Variants in PLG observed in about 807,000 individuals in gnomAD.
PLG encodes the protein plasmin.
In PLG, 41 loss-of-function variants were observed where a neutral mutation model predicts 104.4. That is an observed-to-expected ratio of 0.39 (90% CI 0.31 to 0.51). PLG has a LOEUF of 0.51. Ranked by LOEUF, PLG falls within the 20% of genes least tolerant of loss-of-function variation. The pLI is 0.76. For synonymous variants in PLG, 337 were observed against 357.1 expected (o/e 0.94, Z 0.63); for missense variants, 891 against 1,003.6 (o/e 0.89, Z 1.52).
rs1218781151 is a variant in PLG at position 160,735,126 on chromosome 6, G to C, written c.1681+1038G>C. The stretch of plus-strand genomic sequence containing the variant: ...ATTGTAATGCGGCATTGTGATCTCT[G>C]GATTTAGCATGAGTTGATAGCTGAC... On this transcript the variant is annotated intron_variant, in intron 13 of 18. Transcript: ENST00000308192. This position sits in a 1 kb window ranked among gnomAD's most constrained non-coding sequence, Gnocchi z 5.4. Among the ~76,000 whole-genome samples the C allele has an allele frequency of 1.3e-5, 2 of 152,152 alleles. No individual in the cohort carries two copies. The highest frequency in any genetic ancestry group is 4.8e-5 in the African/African-American group (2 of 41,420).
Position 160,731,095 on chromosome 6 carries a change from G to T in PLG, c.1301G>T (p.Gly434Val). ...NYCRNPDADK[G>V]PWCFTTDPSV... is the part of the protein sequence containing the mutation. ...TGCAGGAATCCAGATGCCGATAAAGGCCCCTGGTGTTTTACCACAGACCCC... is the reference window on the plus strand; with the variant it reads ...TGCAGGAATCCAGATGCCGATAAAGTCCCCTGGTGTTTTACCACAGACCCC... Residue 434 changes from glycine (G) to valine (V), a missense_variant, in exon 11 of 19, where the codon GGC (glycine) becomes GTC (valine). Physicochemically the swap from Gly to Val is moderately radical, Grantham distance 109. This residue lies in a region of PLG where 854 missense variants were observed against 932.1 expected (regional missense o/e 0.92). Coordinates refer to ENST00000308192, the MANE Select transcript of PLG (RefSeq NM_000301.5). This position sits in a 1 kb window ranked among gnomAD's most constrained non-coding sequence, Gnocchi z 5.1. 6.2e-7 allele frequency: 1 copy of T among 1,614,056 alleles called. No homozygotes were observed. Among genetic ancestry groups the T allele is most frequent in the East Asian group, 2.2e-5 (1 of 44,884 alleles).
chr6:160,751,552 T>G (rs918425957), intron 17 of PLG, among the ~76,000 whole-genome samples: 8 of 152,236 alleles, frequency 5.3e-5, no homozygotes, highest in African/African-American at 1.9e-4. Flanking sequence ...AAGGTACCAC[T>G]GAGTGGCATT....
At chr6:160,746,992 T>C (rs1267278427) in intron 17 of PLG, among the ~76,000 whole-genome samples, 1 of 152,250 alleles carries the variant, frequency 6.6e-6, no homozygotes, top group Non-Finnish European at 1.5e-5. Flanking sequence ...TGAGTATGCT[T>C]CCCTGGGTAA....
intron 9 of PLG, among the ~76,000 whole-genome samples, chr6:160,720,378 AT>A (rs965669371): frequency 1.6e-3 from 117 of 73,958 alleles, no homozygotes; most frequent in Admixed American, 5.3e-3. Context: ...TAGATTGTTG[AT>A]TTTTTTCTTT....
At chr6:160,748,370 A>G (rs200551311) in intron 17 of PLG, among the ~76,000 whole-genome samples, 103 of 41,406 alleles carry the variant, frequency 2.5e-3, no homozygotes, top group African/African-American at 7.2e-3. Flanking sequence ...GAAAGAAAGA[A>G]AGAAAGAAAG....
At chr6:160,718,557 G>C in intron 8 of PLG, 101 bp downstream of exon 8, 1 of 1,354,476 alleles carries the variant, frequency 7.4e-7, no homozygotes. Context: ...AAGTATTCTG[G>C]AAGAAAAACT....
chr6:160,749,333 C>G (rs1778355552), intron 17 of PLG, among the ~76,000 whole-genome samples: 2 of 151,776 alleles, frequency 1.3e-5, no homozygotes, highest in African/African-American at 4.9e-5. Context: ...ACCACCACCA[C>G]CATCACAATT....
At chr6:160,710,219 T>G (rs1224434043) in intron 3 of PLG, among the ~76,000 whole-genome samples, 1 of 152,242 alleles carries the variant, frequency 6.6e-6, no homozygotes, top group Non-Finnish European at 1.5e-5. Context: ...TTTAAATGAT[T>G]CATGTTTCAA....
intron 7 of PLG, 23 bp downstream of exon 7, chr6:160,716,786 T>A: frequency 7.4e-7 from 1 of 1,352,278 alleles, no homozygotes; most frequent in Non-Finnish European, 1.1e-6. Context: ...CACACCCAGA[T>A]TCCAGGATTT....
At chr6:160,748,330 G>GAAGA (rs1562383186) in intron 17 of PLG, among the ~76,000 whole-genome samples, 10 of 121,190 alleles carry the variant, frequency 8.3e-5, no homozygotes, top group African/African-American at 1.2e-4. Flanking sequence ...AGGAAAGAAG[G>GAAGA]AAAGAAGGAA....
chr6:160,732,005 G>A lies in PLG; in HGVS notation c.1587+112G>A. ...TGGACTGCTCTTTTTTGTAATGGGG[G>A]AGAGGGGACAGAAGAAAATATTGGA... On this transcript the variant is annotated intron_variant, in intron 12 of 18. Coordinates refer to ENST00000308192, the MANE Select transcript of PLG (RefSeq NM_000301.5). This position sits in a 1 kb window ranked among gnomAD's most constrained non-coding sequence, Gnocchi z 4.5. The A allele has an allele frequency of 1.8e-6, 2 of 1,089,112 alleles. No homozygotes were observed. The highest frequency in any genetic ancestry group is 3.1e-5 in the African/African-American group (2 of 65,104). 67.5% of individuals were successfully genotyped at this position (1,089,112 alleles called of 1,614,324 possible). A position where few individuals can be genotyped will look rare whatever the true frequency, so the allele number is the denominator to read the frequency against.
At chr6:160,747,435 T>C (rs1778295105) in intron 17 of PLG, among the ~76,000 whole-genome samples, 1 of 152,134 alleles carries the variant, frequency 6.6e-6, no homozygotes, top group South Asian at 2.1e-4. Context: ...TTCTCAGAGG[T>C]GCTAGGAGGG....
At chr6:160,718,902 G>A (rs1466380014) in intron 9 of PLG, 64 bp downstream of exon 9, 3 of 1,370,102 alleles carry the variant, frequency 2.2e-6, no homozygotes, top group Admixed American at 3.4e-5. Context: ...TATACCAGTG[G>A]CATCATCACA....
chr6:160,708,767 G>A (rs1452763346), intron 3 of PLG, among the ~76,000 whole-genome samples: 1 of 152,066 alleles, frequency 6.6e-6, no homozygotes, highest in Non-Finnish European at 1.5e-5. Context: ...ATTTATTTGG[G>A]TTGGAATTAT....
intron 10 of PLG, among the ~76,000 whole-genome samples, chr6:160,728,103 A>C (rs528124243): frequency 6.6e-6 from 1 of 152,026 alleles, no homozygotes; most frequent in East Asian, 1.9e-4. Context: ...TGGAGAACAC[A>C]TAAGTATATA....
intron 6 of PLG, 52 bp from the exon 7 acceptor site, chr6:160,716,593 T>C (rs2115161847): frequency 9.4e-7 from 1 of 1,061,286 alleles, no homozygotes; most frequent in South Asian, 1.3e-5. Context: ...AAAAGAGTCT[T>C]ATCCATGAAT....
In PLG at chr6:160,731,218, C is replaced by T. The variant is rs1777994752; in HGVS notation, c.1424C>T (p.Thr475Ile). Reference sequence around the variant, plus strand: ...GTTGTCCTGCTTCCAGATGTAGAGACTCCTTCCGAAGAAGGTAAGAAATCT... The same window carrying T: ...GTTGTCCTGCTTCCAGATGTAGAGATTCCTTCCGAAGAAGGTAAGAAATCT... ...PPVVLLPDVE[T>I]PSEEDCMFGN... The change falls in exon 11 of 19, where the codon ACT (threonine) becomes ATT (isoleucine). Residue 475 changes from threonine to isoleucine, a missense_variant. This residue lies in a region of PLG where 854 missense variants were observed against 932.1 expected (regional missense o/e 0.92). Transcript: ENST00000308192. The surrounding 1 kb of genome is among the most constrained non-coding windows in gnomAD (Gnocchi z 5.1). The T allele has an allele frequency of 6.2e-7, 1 of 1,613,796 alleles. No individual in the cohort carries two copies. The highest frequency in any genetic ancestry group is 1.1e-5 in the South Asian group (1 of 91,082).
At chr6:160,702,995 A>C (rs1777448505) in intron 1 of PLG, among the ~76,000 whole-genome samples, 1 of 152,210 alleles carries the variant, frequency 6.6e-6, no homozygotes, top group South Asian at 2.1e-4. Flanking sequence ...CTGTGTGTGA[A>C]TGTGAGTGTG....
chr6:160,714,695 C>T (rs1253985374), intron 5 of PLG, 99 bp from the exon 6 acceptor site: 8 of 1,151,650 alleles, frequency 6.9e-6, no homozygotes, highest in African/African-American at 6.1e-5. Context: ...AGAGGCAAGT[C>T]GCACTTAAGT....
Sources: gnomAD v4.1 joint callset for allele counts (sites outside exome capture counted in the v4.1 genomes callset) on GRCh38, gnomAD v4.1.1 for gene constraint, gnomAD v4.1.1 regional missense constraint, Gnocchi (gnomAD v3.1) non-coding constraint, MANE v1.5 for transcripts, NCBI Gene and HGNC (gene_info 2026-07-23, HGNC 2026-07-21) for gene names.